NOD2: variants seen among roughly 807,000 people sequenced by gnomAD.
NOD2 encodes the protein nucleotide binding oligomerization domain containing 2, also known as nucleotide-binding oligomerization domain-containing protein 2.
In NOD2, 86 loss-of-function variants were observed where a neutral mutation model predicts 90.9. The ratio of observed to expected loss-of-function variants is 0.95; its 90% CI spans 0.79 to 1.13. The LOEUF (loss-of-function observed/expected upper bound fraction) is 1.13. Ranked by LOEUF, NOD2 falls within the 50% of genes most tolerant of loss-of-function variation. The pLI, the probability that NOD2 is intolerant of heterozygous loss-of-function variation, is 0.00. For missense variants in NOD2, 1,238 were observed against 1,283.8 expected, an observed-to-expected ratio of 0.96 and a Z score of 0.55; for synonymous variants, 581 against 554.6, an observed-to-expected ratio of 1.05 and a Z score of -0.67.
Position 50,713,389 on chromosome 16 carries a change from G to A in NOD2, c.2381+1016G>A, listed in dbSNP as rs1242030776. ...GCAACAAGATTTATTTTTCATCATG[G>A]ACCAAACACATGGATACCCACTAGA... On this transcript the variant is annotated intron_variant, in intron 4 of 11. Transcript: ENST00000647318. 4 of 152,222 alleles carry A rather than the reference G, an allele frequency of 2.6e-5. 1 individual carries two copies. The highest frequency in any genetic ancestry group is 9.6e-5 in the African/African-American group (4 of 41,510). 9.4% of individuals were successfully genotyped at this position (152,222 alleles called of 1,614,324 possible).
intron 10 of NOD2, chr16:50,727,594 G>T: frequency 3.4e-6 from 1 of 293,738 alleles, no homozygotes; most frequent in Non-Finnish European, 6.8e-6. Flanking sequence ...CCTGCAGAAA[G>T]TTGTCAAGAT....
intron 10 of NOD2, 146 bp from the exon 11 acceptor site, chr16:50,729,672 A>C: frequency 1.5e-6 from 1 of 672,504 alleles, no homozygotes; most frequent in South Asian, 1.5e-5. Context: ...TGATGAGCTC[A>C]TTGGGAATCT....
intron 4 of NOD2, among the ~76,000 whole-genome samples, chr16:50,716,178 T>A (rs1425970558): frequency 1.3e-5 from 2 of 152,210 alleles, no homozygotes; most frequent in Non-Finnish European, 2.9e-5. Flanking sequence ...TAGATGATGG[T>A]AAATTGTCCC....
intron 4 of NOD2, chr16:50,715,641 C>A (rs1964757185): frequency 6.6e-6 from 1 of 152,220 alleles, no homozygotes; most frequent in Admixed American, 6.5e-5. Context: ...TGGTCTCGAT[C>A]TCCTGACCTC....
At chr16:50,726,998 G>A (rs1283484698) in intron 10 of NOD2, among the ~76,000 whole-genome samples, 2 of 151,952 alleles carry the variant, frequency 1.3e-5, no homozygotes, top group African/African-American at 4.8e-5. Flanking sequence ...AAATTAGCCG[G>A]GCGTGGTGGC....
chr16:50,728,575 A>G (rs1337226709), intron 10 of NOD2: 2 of 158,790 alleles, frequency 1.3e-5, no homozygotes, highest in Admixed American at 1.3e-4. Flanking sequence ...CCAATATCAA[A>G]TGGCAAATTT....
rs1398956455 is a variant in NOD2, at chr16:50,699,711, C to T, written c.216C>T (p.Ala72=). The change falls in exon 2 of 12, where the codon GCC becomes GCT. Residue 72 remains alanine, a synonymous_variant. Transcript: ENST00000647318. Reference sequence around the variant, plus strand: ...CCGTCTGGAATAAGGGTACTTGGGCCTGTCAGAAGCTCATCGCGGCTGCCC... The same window carrying T: ...CCGTCTGGAATAAGGGTACTTGGGCTTGTCAGAAGCTCATCGCGGCTGCCC... ...LDTVWNKGTW[A]CQKLIAAAQE... is the part of the protein sequence containing the mutation. 6.2e-7 allele frequency: 1 copy of T among 1,614,168 alleles called. No homozygotes were observed. Among genetic ancestry groups the T allele is most frequent in the Admixed American group, 1.7e-5 (1 of 60,018 alleles).
intron 1 of NOD2, chr16:50,697,608 C>T: frequency 2.1e-6 from 1 of 465,636 alleles, no homozygotes; most frequent in South Asian, 2.0e-5. Context: ...CCTCGGCCAC[C>T]CCACCCTCTT....
Position 50,731,804 on chromosome 16 carries a change from C to T in NOD2, c.3027C>T (p.Thr1009=), listed in dbSNP as rs1476081409. ...EEVDKLGCRD[T]RLLL ...TTGACAAGCTCGGCTGCAGGGACACCAGACTCTTGCTTTGAAGTCTCCGGG... is the reference window on the plus strand; with the variant it reads ...TTGACAAGCTCGGCTGCAGGGACACTAGACTCTTGCTTTGAAGTCTCCGGG... Residue 1009 remains threonine (T), a synonymous_variant, in exon 12 of 12, where the codon ACC becomes ACT. Transcript: ENST00000647318. The T allele has an allele frequency of 3.7e-6, 6 of 1,613,346 alleles. No individual in the cohort carries two copies. In the Admixed American group the frequency reaches 8.3e-5, roughly 22 times the overall value.
chr16:50,706,329 C>T (rs1399587189), intron 2 of NOD2, among the ~76,000 whole-genome samples: 1 of 152,174 alleles, frequency 6.6e-6, no homozygotes, highest in Non-Finnish European at 1.5e-5. Context: ...TGGACTCTTA[C>T]TCTGAGGAAA....
intron 11 of NOD2, 22 bp from the exon 12 acceptor site, chr16:50,731,725 C>G (rs1421224158): frequency 1.3e-6 from 2 of 1,585,712 alleles, no homozygotes; most frequent in Non-Finnish European, 1.7e-6. Flanking sequence ...ACTCAAACCT[C>G]TGTTCACTTG....
In NOD2 at chr16:50,723,321, G is replaced by A. The variant is rs1965150902; in HGVS notation, c.2738G>A (p.Gly913Asp). Residue 913 changes from glycine (G) to aspartate (D), a missense_variant, in exon 9 of 12, where the codon GGC (glycine) becomes GAC (aspartate). Transcript: ENST00000647318. ...RWLSLVGNNI[G>D]SVGAQALALM... Reference sequence around the variant, plus strand: ...TCCAGCCTGGTGGGGAACAACATTGGCAGTGTGGGTGCCCAAGCCTTGGCA... The same window carrying A: ...TCCAGCCTGGTGGGGAACAACATTGACAGTGTGGGTGCCCAAGCCTTGGCA... 6.2e-7 allele frequency: 1 copy of A among 1,613,798 alleles called. No individual in the cohort carries two copies. Among genetic ancestry groups the A allele is most frequent in the African/African-American group, 1.3e-5 (1 of 74,968 alleles).
At chr16:50,701,319 G>C (rs1183686083) in intron 2 of NOD2, among the ~76,000 whole-genome samples, 1 of 152,264 alleles carries the variant, frequency 6.6e-6, no homozygotes, top group Non-Finnish European at 1.5e-5. Flanking sequence ...TGACACTGCA[G>C]TGTTAAAATG....
At chr16:50,697,339 C>G in intron 1 of NOD2, 1 of 1,547,930 alleles carries the variant, frequency 6.5e-7, no homozygotes, top group Non-Finnish European at 8.7e-7. Flanking sequence ...GGCATTGTCC[C>G]GTCCCAGCTT....
chr16:50,696,325 G>T (rs867166293), intron 1 of NOD2: 4 of 152,258 alleles, frequency 2.6e-5, no homozygotes, highest in Non-Finnish European at 5.9e-5. Context: ...GTCGCCCCTT[G>T]ACCCTCTCTT....
chr16:50,699,612 C>T lies in NOD2; in HGVS notation c.117C>T (p.Leu39=). The T allele has an allele frequency of 6.2e-7, 1 of 1,614,110 alleles. No homozygotes were observed. The highest frequency in any genetic ancestry group is 8.5e-7 in the Non-Finnish European group (1 of 1,180,024). ...ACTGGCTGCTGTCCTGGGAGGTCCT[C>T]TCCTGGGAGGACTACGAGGGCTTCC... ...VLDWLLSWEV[L]SWEDYEGFHL... Residue 39 remains leucine, a synonymous_variant, in exon 2 of 12, where the codon CTC becomes CTT. Coordinates refer to ENST00000647318, the MANE Select transcript of NOD2 (RefSeq NM_001370466.1).
chr16:50,702,968 C>T (rs1448179648), intron 2 of NOD2, among the ~76,000 whole-genome samples: 1 of 152,216 alleles, frequency 6.6e-6, no homozygotes, highest in African/African-American at 2.4e-5. Flanking sequence ...TACCAGCTGT[C>T]CGTCTGACTC....
intron 7 of NOD2, among the ~76,000 whole-genome samples, chr16:50,720,656 C>A (rs373850388): frequency 2.0e-5 from 3 of 152,336 alleles, no homozygotes; most frequent in East Asian, 1.9e-4. Flanking sequence ...TCTCTCCTAT[C>A]CTGTCATGCC....
chr16:50,731,875 C>G lies in NOD2; in HGVS notation c.*56C>G. The G allele has an allele frequency of 1.5e-6, 2 of 1,351,982 alleles. No homozygotes were observed. Among genetic ancestry groups the G allele is most frequent in the South Asian group, 2.3e-5 (2 of 85,824 alleles). The allele number at this position is 1,351,982 out of a possible 1,614,324, so 83.7% of individuals were successfully genotyped here. On this transcript the variant is annotated 3_prime_UTR_variant, in exon 12 of 12. Transcript: ENST00000647318. ...TTTGTGAGCAGGCTGTGAGTTTGGG[C>G]CCCAGAGGCTGGGTGACATGTGTTG...
Sources: gnomAD v4.1 joint callset for allele counts (sites outside exome capture counted in the v4.1 genomes callset) on GRCh38, gnomAD v4.1.1 for gene constraint, MANE v1.5 for transcripts, NCBI Gene and HGNC (gene_info 2026-07-23, HGNC 2026-07-21) for gene names.